The following RANGAP1 variants were observed in gnomAD, a reference collection of about 807,000 sequenced individuals.
The protein encoded by RANGAP1 is ran GTPase-activating protein 1.
RANGAP1 carries 38 observed loss-of-function variants against 63.5 expected under a neutral mutation model. That is an observed-to-expected ratio of 0.60 (90% CI 0.46 to 0.78). The LOEUF (loss-of-function observed/expected upper bound fraction) is 0.78. Among genes scored for constraint, RANGAP1 ranks in the 30% least tolerant of loss-of-function variants. RANGAP1 has a pLI of 0.00. For missense variants in RANGAP1, 630 were observed against 740.3 expected (o/e 0.85, Z 1.73); for synonymous variants, 329 against 310.5 (o/e 1.06, Z -0.63).
At chr22:41,284,107 C>A (rs771620893) in intron 1 of RANGAP1, among the ~76,000 whole-genome samples, 3 of 151,848 alleles carry the variant, frequency 2.0e-5, no homozygotes, top group Non-Finnish European at 4.4e-5. Context: ...ATTAGCCGGG[C>A]CTGGTGGCGG....
the RANGAP1 span, among the ~76,000 whole-genome samples, chr22:41,296,863 G>T: frequency 3.9e-5 from 6 of 152,138 alleles, no homozygotes; most frequent in African/African-American, 1.2e-4. Flanking sequence ...CAGTCAGCAG[G>T]CTAGAGAGCC....
At chr22:41,293,096 G>A in the RANGAP1 span, among the ~76,000 whole-genome samples, 21 of 151,826 alleles carry the variant, frequency 1.4e-4, no homozygotes, top group Non-Finnish European at 2.4e-4. Context: ...TTAGCCAGGC[G>A]TGTTGGCGGG....
At chr22:41,270,791 C>T (rs1051614865) in intron 3 of RANGAP1, among the ~76,000 whole-genome samples, 2 of 152,088 alleles carry the variant, frequency 1.3e-5, no homozygotes, top group African/African-American at 2.4e-5. Context: ...CAGCTGTCTG[C>T]TCTACACCAG....
chr22:41,267,460 A>G (rs1386885418), intron 4 of RANGAP1, among the ~76,000 whole-genome samples: 1 of 152,202 alleles, frequency 6.6e-6, no homozygotes, highest in Non-Finnish European at 1.5e-5. Flanking sequence ...GCCCCGTGCC[A>G]GGAGGACACA....
intron 2 of RANGAP1, among the ~76,000 whole-genome samples, chr22:41,275,849 G>A (rs1356542527): frequency 6.6e-6 from 1 of 152,080 alleles, no homozygotes; most frequent in East Asian, 1.9e-4. Flanking sequence ...GGGAGGCTGA[G>A]CTGGGAGGAT....
intron 2 of RANGAP1, chr22:41,277,626 C>G (rs1298525105): frequency 6.6e-6 from 4 of 607,404 alleles, no homozygotes; most frequent in South Asian, 5.1e-5. Flanking sequence ...AGCAGGGGCT[C>G]CCTAAGAAGT....
chr22:41,276,576 T>A (rs1036013020), intron 2 of RANGAP1, among the ~76,000 whole-genome samples: 1 of 151,678 alleles, frequency 6.6e-6, no homozygotes, highest in Non-Finnish European at 1.5e-5. Context: ...GAGGCAGAGG[T>A]TGCAGTGAGC....
chr22:41,250,790 T>C (rs2033389267), intron 13 of RANGAP1, among the ~76,000 whole-genome samples: 1 of 151,918 alleles, frequency 6.6e-6, no homozygotes, highest in South Asian at 2.1e-4. Context: ...GCTGTGTGGA[T>C]TTGGGAAAGG....
chr22:41,281,351 C>G, intron 1 of RANGAP1: 1 of 936,460 alleles, frequency 1.1e-6, no homozygotes, highest in South Asian at 3.9e-5. Context: ...ACTGCCGCAG[C>G]TGGACACCCA....
chr22:41,249,844 G>A (rs2033316902), intron 13 of RANGAP1, 27 bp from the exon 14 acceptor site: 1 of 1,592,932 alleles, frequency 6.3e-7, no homozygotes, highest in Non-Finnish European at 8.6e-7. Flanking sequence ...GCAGGGGCAG[G>A]CTGCTGGCTA....
chr22:41,246,664 C>A lies in RANGAP1; in HGVS notation c.1703G>T (p.Ser568Ile). The A allele has an allele frequency of 6.4e-7, 1 of 1,562,924 alleles. No homozygotes were observed. Among genetic ancestry groups the A allele is most frequent in the Non-Finnish European group, 8.7e-7 (1 of 1,152,572 alleles). ...GGCGAAGGAGCAGGATTCCAGGGCG[C>A]TGTTGGGCCTGCGGGGAAAGAGGGG... ...LLLAFVTKPNSALESCSFARH... is the reference protein window; with the variant it reads ...LLLAFVTKPNIALESCSFARH... Residue 568 changes from serine to isoleucine, a missense_variant, in exon 16 of 16, where the codon AGC becomes ATC. Ser to Ile is a moderately radical substitution (Grantham distance 142). This residue lies in a region of RANGAP1 where 428 missense variants were observed against 465.5 expected (regional missense o/e 0.92). Coordinates refer to ENST00000356244, the MANE Select transcript of RANGAP1 (RefSeq NM_002883.4).
At chr22:41,282,032 G>A (rs2145852225) in intron 1 of RANGAP1, 1 of 152,398 alleles carries the variant, frequency 6.6e-6, no homozygotes, top group Admixed American at 6.5e-5. Context: ...GCTGAGGTGG[G>A]AGGATTGATT....
Position 41,256,766 on chromosome 22 carries a change from G to C in RANGAP1, c.833C>G (p.Ser278Cys). 1.2e-6 allele frequency: 2 copies of C among 1,614,090 alleles called. No homozygotes were observed. The highest frequency in any genetic ancestry group is 8.5e-7 in the Non-Finnish European group (1 of 1,180,030). The change falls in exon 8 of 16, where the codon TCC becomes TGC. Residue 278 changes from serine (S) to cysteine (C), a missense_variant. Ser to Cys is a moderately radical substitution (Grantham distance 112). Around this residue, in one of 3 missense-constraint regions of RANGAP1, gnomAD observed 428 missense variants for 465.5 expected, o/e 0.92. Transcript: ENST00000356244. ...VINFGDCLVR[S>C]KGAVAIADAI... Reference sequence around the variant, plus strand: ...ATCTGCAATGGCAACTGCACCCTTGGAGCGCACCAGGCAGTCCCCAAAATT... The same window carrying C: ...ATCTGCAATGGCAACTGCACCCTTGCAGCGCACCAGGCAGTCCCCAAAATT...
intron 4 of RANGAP1, among the ~76,000 whole-genome samples, chr22:41,267,008 G>A (rs1228549992): frequency 6.6e-6 from 1 of 150,422 alleles, no homozygotes; most frequent in African/African-American, 2.4e-5. Context: ...AGCCTCCCAA[G>A]TAGCTGGGAC....
chr22:41,261,117 C>T (rs1199107193), intron 6 of RANGAP1, among the ~76,000 whole-genome samples: 2 of 152,204 alleles, frequency 1.3e-5, no homozygotes, highest in African/African-American at 4.8e-5. Flanking sequence ...AGGCTACTGT[C>T]AGCACTCGCA....
intron 6 of RANGAP1, 62 bp from the exon 7 acceptor site, chr22:41,258,168 G>A: frequency 6.5e-7 from 1 of 1,529,744 alleles, no homozygotes; most frequent in Non-Finnish European, 8.9e-7. Context: ...CAGCAGGCAG[G>A]AGAGCAATTC....
intron 4 of RANGAP1, among the ~76,000 whole-genome samples, chr22:41,266,786 G>A (rs961859671): frequency 3.3e-5 from 5 of 151,812 alleles, no homozygotes; most frequent in African/African-American, 9.7e-5. Flanking sequence ...CACGTGCACC[G>A]CCCCCCACCT....
At chr22:41,251,130 G>C in intron 12 of RANGAP1, 21 bp from the exon 13 acceptor site, 3 of 1,604,512 alleles carry the variant, frequency 1.9e-6, no homozygotes, top group Non-Finnish European at 2.6e-6. Flanking sequence ...AAGAGACAAT[G>C]GTTGGCCTGT....
At chr22:41,285,537 G>A (rs1333919419) in intron 1 of RANGAP1, 2 of 985,356 alleles carry the variant, frequency 2.0e-6, no homozygotes, top group Non-Finnish European at 2.4e-6. Context: ...CGTCAGCAGT[G>A]ACTCACATCG....
Sources: gnomAD v4.1 joint callset for allele counts (sites outside exome capture counted in the v4.1 genomes callset) on GRCh38, gnomAD v4.1.1 for gene constraint, gnomAD v4.1.1 regional missense constraint, MANE v1.5 for transcripts, NCBI Gene and HGNC (gene_info 2026-07-23, HGNC 2026-07-21) for gene names.